NFIA: variants seen among roughly 807,000 people sequenced by gnomAD.
NFIA encodes nuclear factor 1 A-type.
Under a neutral mutation model 62.8 loss-of-function variants are expected in NFIA, and 8 were observed. The observed-to-expected ratio is 0.13, with a 90% CI of 0.07 to 0.23. The LOEUF (loss-of-function observed/expected upper bound fraction) is 0.23. NFIA is among the 10% of genes least tolerant of loss of function. The pLI is 1.00. For synonymous variants in NFIA, 235 were observed against 238.1 expected (o/e 0.99, Z 0.12); for missense variants, 410 against 642.1 (o/e 0.64, Z 3.91).
intron 4 of NFIA, among the ~76,000 whole-genome samples, chr1:61,333,513 A>G (rs1661420635): frequency 6.6e-6 from 1 of 152,214 alleles, no homozygotes; most frequent in African/African-American, 2.4e-5. Context: ...TTGAGAGCAC[A>G]GAATGTGATA....
chr1:61,180,070 G>A (rs1321986317), intron 2 of NFIA, among the ~76,000 whole-genome samples: 1 of 152,112 alleles, frequency 6.6e-6, no homozygotes, highest in Non-Finnish European at 1.5e-5. Flanking sequence ...CCTCTCTGCA[G>A]CACCTCTTGA....
At position 61,406,548 on chromosome 1, in the gene NFIA, C is replaced by CCCG; in HGVS notation, c.1255-12_1255-11insGCC. Reference sequence around the variant, plus strand: ...TTCTTGTACGTGTGTTTTCTGCCCCCCCCCCCCCCACAGCCCAATGGGAGC... The same window carrying CCCG: ...TTCTTGTACGTGTGTTTTCTGCCCCCCCGCCCCCCCCCACAGCCCAATGGGAGC... On this transcript the variant is annotated splice_polypyrimidine_tract_variant and intron_variant, in intron 8 of 10. Coordinates refer to ENST00000403491, the MANE Select transcript of NFIA (RefSeq NM_001134673.4). The CCCG allele has an allele frequency of 3.2e-6, 3 of 933,614 alleles. No individual in the cohort carries two copies. Among genetic ancestry groups the CCCG allele is most frequent in the Non-Finnish European group, 3.0e-6 (2 of 672,674 alleles). 57.8% of individuals were successfully genotyped at this position (933,614 alleles called of 1,614,324 possible). A position where few individuals can be genotyped will look rare whatever the true frequency, so the allele number is the denominator to read the frequency against.
At chr1:61,323,480 C>T (rs1264073404) in intron 3 of NFIA, among the ~76,000 whole-genome samples, 1 of 152,152 alleles carries the variant, frequency 6.6e-6, no homozygotes, top group South Asian at 2.1e-4. Flanking sequence ...ACTTTTATTG[C>T]TCCTGTGTTC....
chr1:61,443,776 C>G (rs1004384127), intron 10 of NFIA, among the ~76,000 whole-genome samples: 12 of 152,128 alleles, frequency 7.9e-5, no homozygotes, highest in African/African-American at 2.7e-4. Flanking sequence ...TCTCCTGTGC[C>G]CTTTCCATTT....
chr1:61,252,853 C>G (rs1015342101), intron 2 of NFIA, among the ~76,000 whole-genome samples: 4 of 152,166 alleles, frequency 2.6e-5, no homozygotes, highest in Non-Finnish European at 4.4e-5. Flanking sequence ...ACAACTGGCC[C>G]TAACAGTACT....
At chr1:61,443,170 G>A (rs1209492650) in intron 10 of NFIA, among the ~76,000 whole-genome samples, 1 of 152,130 alleles carries the variant, frequency 6.6e-6, no homozygotes, top group Non-Finnish European at 1.5e-5. Flanking sequence ...TATTGCACTA[G>A]GTTAAGAAAA....
upstream of NFIA, chr1:61,081,750 A>C: frequency 2.2e-6 from 2 of 912,974 alleles, no homozygotes; most frequent in Non-Finnish European, 1.6e-6. Flanking sequence ...ATTCCTCACC[A>C]CCCCCGCTTC....
At position 61,462,414 on chromosome 1, in the gene NFIA, G is replaced by A. The variant is rs1001672258; in HGVS notation, c.*7094G>A. The A allele has an allele frequency of 3.9e-5, 6 of 152,200 alleles. No homozygotes were observed. Among genetic ancestry groups the A allele is most frequent in the Non-Finnish European group, 7.3e-5 (5 of 68,048 alleles). 9.4% of individuals were successfully genotyped at this position (152,200 alleles called of 1,614,324 possible). ...TGTTTTCCATTTCAAATTGTAGGGG[G>A]AGGGGATGGAACACTTCCAGTGATG... On this transcript the variant is annotated 3_prime_UTR_variant, in exon 11 of 11. Coordinates refer to ENST00000403491, the MANE Select transcript of NFIA (RefSeq NM_001134673.4).
intron 10 of NFIA, among the ~76,000 whole-genome samples, chr1:61,452,283 G>T (rs1180515610): frequency 7.7e-6 from 1 of 129,966 alleles, no homozygotes; most frequent in Non-Finnish European, 1.7e-5. Context: ...ATTATTATTA[G>T]AACTATCTGC....
chr1:61,182,208 G>T (rs1418347785), intron 2 of NFIA, among the ~76,000 whole-genome samples: 1 of 152,154 alleles, frequency 6.6e-6, no homozygotes, highest in African/African-American at 2.4e-5. Context: ...GTCCACCAGG[G>T]CAGCAGGAGG....
chr1:61,366,835 A>G (rs1663618309), intron 6 of NFIA, among the ~76,000 whole-genome samples: 1 of 152,270 alleles, frequency 6.6e-6, no homozygotes, highest in South Asian at 2.1e-4. Flanking sequence ...AGGCAGGAGA[A>G]TCGCTTGAAC....
At position 61,126,300 on chromosome 1, in the gene NFIA, C is replaced by G. The variant is rs191190649; in HGVS notation, c.559+37620C>G. Among the ~76,000 whole-genome samples the G allele has an allele frequency of 3.3e-5, 5 of 152,276 alleles. No individual in the cohort carries two copies. The East Asian group carries it at 9.6e-4, about 29-fold the overall frequency. ...ACTGAAATCTGCCTCCCATTAACAT[C>G]TCTCATTGGTCCTGATTCGGCCTCA... On this transcript the variant is annotated intron_variant, in intron 2 of 10. Transcript: ENST00000403491.
At chr1:61,106,361 CTGT>C (rs1302827602) in intron 2 of NFIA, among the ~76,000 whole-genome samples, 1 of 151,738 alleles carries the variant, frequency 6.6e-6, no homozygotes, top group African/African-American at 2.4e-5. Flanking sequence ...ATTTGGATAG[CTGT>C]TGTTTGAGTT....
intron 5 of NFIA, among the ~76,000 whole-genome samples, chr1:61,358,295 C>T (rs992135497): frequency 4.1e-5 from 6 of 147,582 alleles, no homozygotes; most frequent in African/African-American, 1.3e-4. Context: ...TTTGAATGAA[C>T]AACTCCAAGT....
rs1668573936 is a variant in NFIA, at chr1:61,462,208, C to G, written c.*6888C>G. 2 of 152,060 alleles carry G rather than the reference C, an allele frequency of 1.3e-5. No homozygotes were observed. The highest frequency in any genetic ancestry group is 4.8e-5 in the African/African-American group (2 of 41,402). 9.4% of individuals were successfully genotyped at this position (152,060 alleles called of 1,614,324 possible). On this transcript the variant is annotated 3_prime_UTR_variant, in exon 11 of 11. Coordinates refer to ENST00000403491, the MANE Select transcript of NFIA (RefSeq NM_001134673.4). ...GCGAAGGCATTTGGTAGCCTCGCCA[C>G]TGAGATACTAACTAGACCTAGACTA...
At position 61,366,488 on chromosome 1, in the gene NFIA, T is replaced by C. The variant is rs939622078; in HGVS notation, c.946+7214T>C. On this transcript the variant is annotated intron_variant, in intron 6 of 10. Transcript: ENST00000403491. ...ACAGACACAGTTACATCCACCAACA[T>C]GTTGAAAGTTTCAAAACAGTTTAGT... Among the ~76,000 whole-genome samples, 9 of 152,278 alleles carry C rather than the reference T, an allele frequency of 5.9e-5. No individual in the cohort carries two copies. In the South Asian group the frequency reaches 1.9e-3, roughly 32 times the overall value.
At chr1:61,118,102 TTGAACCTGGGAGGTGGAGGTTGCAG>T (rs1484611624) in intron 2 of NFIA, among the ~76,000 whole-genome samples, 1 of 151,494 alleles carries the variant, frequency 6.6e-6, no homozygotes, top group Non-Finnish European at 1.5e-5. Flanking sequence ...GGAGAATCAC[TTGAACCTGGGAGGTGGAGGTTGCAG>T]TGAGCTGAGG....
At chr1:61,231,882 C>A (rs7519387) in intron 2 of NFIA, among the ~76,000 whole-genome samples, 8,490 of 150,810 alleles carry the variant, frequency 0.056, 782 homozygotes, top group African/African-American at 0.2. Flanking sequence ...CAAAAAAAAA[C>A]AAAACAAGAA....
chr1:61,141,878 A>C (rs1422237161), intron 2 of NFIA, among the ~76,000 whole-genome samples: 1 of 152,212 alleles, frequency 6.6e-6, no homozygotes. Context: ...CTGCTGACAT[A>C]ATAGGTATGC....
Sources: gnomAD v4.1 joint callset for allele counts (sites outside exome capture counted in the v4.1 genomes callset) on GRCh38, gnomAD v4.1.1 for gene constraint, MANE v1.5 for transcripts, NCBI Gene and HGNC (gene_info 2026-07-23, HGNC 2026-07-21) for gene names.